The following TRMT9B variants were observed in gnomAD, a reference collection of about 807,000 sequenced individuals.
TRMT9B encodes the protein tRNA methyltransferase 9B (putative), also known as probable tRNA methyltransferase 9B.
TRMT9B carries 16 observed loss-of-function variants against 11.5 expected under a neutral mutation model. That is an observed-to-expected ratio of 1.39 (90% CI 0.94 to 2.11). The LOEUF (loss-of-function observed/expected upper bound fraction) is 2.11, where lower values mean the gene tolerates loss of function less well. Among genes scored for constraint, TRMT9B ranks in the 30% most tolerant of loss-of-function variants. TRMT9B has a pLI of 0.00. For synonymous variants in TRMT9B, 274 were observed against 192.4 expected, an observed-to-expected ratio of 1.42 and a Z score of -3.51; for missense variants, 941 against 553.8, an observed-to-expected ratio of 1.70 and a Z score of -7.02.
In TRMT9B at chr8:13,002,460, C is replaced by T. The variant is rs532932131; in HGVS notation, c.-1-3742C>T. Among the ~76,000 whole-genome samples the T allele has an allele frequency of 4.6e-5, 7 of 152,278 alleles. No individual in the cohort carries two copies. In the East Asian group the frequency reaches 7.7e-4, roughly 17 times the overall value. Reference sequence around the variant, plus strand: ...GTTATAGCCAGCCATATGTTTACTTCGTAAATTTCAGTTGAAGGTGCAACA... The same window carrying T: ...GTTATAGCCAGCCATATGTTTACTTTGTAAATTTCAGTTGAAGGTGCAACA... On this transcript the variant is annotated intron_variant, in intron 2 of 4. Transcript: ENST00000524591.
chr8:12,968,472 A>C (rs945513563), intron 1 of TRMT9B, among the ~76,000 whole-genome samples: 9 of 152,222 alleles, frequency 5.9e-5, no homozygotes, highest in African/African-American at 2.2e-4. Context: ...ATTTGTTGTG[A>C]AGAGCTACAT....
chr8:13,013,562 T>C (rs186761834), intron 4 of TRMT9B, among the ~76,000 whole-genome samples: 1 of 151,890 alleles, frequency 6.6e-6, no homozygotes, highest in Non-Finnish European at 1.5e-5. Context: ...AACTTGATAT[T>C]TAATGGAATC....
intron 1 of TRMT9B, among the ~76,000 whole-genome samples, chr8:12,947,523 A>G (rs150279164): frequency 2.0e-5 from 3 of 152,346 alleles, no homozygotes; most frequent in Non-Finnish European, 2.9e-5. Context: ...AATAAAATAG[A>G]TGGTCAAGGC....
intron 1 of TRMT9B, among the ~76,000 whole-genome samples, chr8:12,982,183 T>C (rs1350875022): frequency 6.6e-6 from 1 of 152,204 alleles, no homozygotes; most frequent in Admixed American, 6.5e-5. Flanking sequence ...TTTTCTGGAC[T>C]GTGCAATCTG....
chr8:13,023,678 T>G lies in TRMT9B; in HGVS notation c.*1634T>G, dbSNP rs1814295236. ...ATCTGACAAGAGTCTTTTTACTTTA[T>G]GCTGGATGAAAATCCAAATCTTGTT... is the stretch of plus-strand genomic sequence containing the variant. On this transcript the variant is annotated 3_prime_UTR_variant, in exon 5 of 5. Transcript: ENST00000524591. The G allele has an allele frequency of 6.0e-6, 1 of 167,120 alleles. No homozygotes were observed. Among genetic ancestry groups the G allele is most frequent in the Non-Finnish European group, 1.5e-5 (1 of 68,120 alleles). 10.4% of individuals were successfully genotyped at this position (167,120 alleles called of 1,614,324 possible). A position where few individuals can be genotyped will look rare whatever the true frequency, so the allele number is the denominator to read the frequency against.
chr8:12,963,309 T>C (rs1001001280), intron 1 of TRMT9B, among the ~76,000 whole-genome samples: 1 of 152,142 alleles, frequency 6.6e-6, no homozygotes, highest in African/African-American at 2.4e-5. Context: ...GGCATGCGTC[T>C]GTAATCCCCG....
At chr8:12,964,404 A>G (rs1240987801) in intron 1 of TRMT9B, among the ~76,000 whole-genome samples, 1 of 152,132 alleles carries the variant, frequency 6.6e-6, no homozygotes, top group Non-Finnish European at 1.5e-5. Context: ...CAGGAACTTC[A>G]TGTCGAATGC....
intron 2 of TRMT9B, among the ~76,000 whole-genome samples, chr8:12,996,471 T>TGTATATACTATGA (rs1269243260): frequency 6.6e-6 from 1 of 152,232 alleles, no homozygotes; most frequent in African/African-American, 2.4e-5. Context: ...CAGCACTTTC[T>TGTATATACTATGA]GTATATACTA....
In TRMT9B at chr8:13,026,187, G is replaced by A. The variant is rs1814664560; in HGVS notation, c.*4143G>A. The A allele has an allele frequency of 6.0e-6, 1 of 167,010 alleles. No individual in the cohort carries two copies. The highest frequency in any genetic ancestry group is 1.5e-5 in the Non-Finnish European group (1 of 68,112). 10.3% of individuals were successfully genotyped at this position (167,010 alleles called of 1,614,324 possible). ...GTCTAAGAAAAACAAATTAGGGCAG[G>A]CCTCAGCATCTCTTTCCTATTACAT... On this transcript the variant is annotated 3_prime_UTR_variant, in exon 5 of 5. Coordinates refer to ENST00000524591, the MANE Select transcript of TRMT9B (RefSeq NM_020844.3).
chr8:13,002,480 G>A (rs908639772), intron 2 of TRMT9B, among the ~76,000 whole-genome samples: 3 of 152,172 alleles, frequency 2.0e-5, no homozygotes, highest in Non-Finnish European at 2.9e-5. Flanking sequence ...AGTTGAAGGT[G>A]CAACATAAGC....
chr8:12,964,781 G>A (rs1322862507), intron 1 of TRMT9B, among the ~76,000 whole-genome samples: 2 of 151,974 alleles, frequency 1.3e-5, no homozygotes, highest in Admixed American at 6.6e-5. Context: ...TTGTAAAGAT[G>A]GGGTGTCACT....
At chr8:13,008,590 A>G (rs1563416496) in intron 3 of TRMT9B, among the ~76,000 whole-genome samples, 2 of 152,260 alleles carry the variant, frequency 1.3e-5, no homozygotes, top group Non-Finnish European at 2.9e-5. Flanking sequence ...AGGATTAACT[A>G]TATTGACAGA....
intron 1 of TRMT9B, among the ~76,000 whole-genome samples, chr8:12,958,030 C>T (rs551805572): frequency 3.9e-5 from 6 of 152,114 alleles, no homozygotes; most frequent in Non-Finnish European, 8.8e-5. Flanking sequence ...AGTCCGTTTT[C>T]ACCCGGCTGA....
At chr8:12,965,765 C>G (rs1242254527) in intron 1 of TRMT9B, among the ~76,000 whole-genome samples, 1 of 152,058 alleles carries the variant, frequency 6.6e-6, no homozygotes. Context: ...GTAATCCCAG[C>G]ATGTGGGGAG....
intron 4 of TRMT9B, among the ~76,000 whole-genome samples, chr8:13,013,228 T>C (rs1225607654): frequency 6.6e-6 from 1 of 152,234 alleles, no homozygotes; most frequent in Non-Finnish European, 1.5e-5. Flanking sequence ...TTACCATTTT[T>C]TAGGCCAAAA....
At chr8:13,015,042 G>C (rs577230551) in intron 4 of TRMT9B, among the ~76,000 whole-genome samples, 8 of 151,484 alleles carry the variant, frequency 5.3e-5, no homozygotes, top group Admixed American at 4.0e-4. Flanking sequence ...CTAAGCAACA[G>C]AGTGAGACTC....
chr8:12,987,556 G>C (rs1293680476), intron 1 of TRMT9B, among the ~76,000 whole-genome samples: 1 of 151,990 alleles, frequency 6.6e-6, no homozygotes, highest in Admixed American at 6.6e-5. Context: ...AGGATATGGT[G>C]GTACACGCCT....
At chr8:13,015,154 A>G (rs1812397923) in intron 4 of TRMT9B, among the ~76,000 whole-genome samples, 1 of 151,890 alleles carries the variant, frequency 6.6e-6, no homozygotes, top group South Asian at 2.1e-4. Flanking sequence ...GTCTACACTC[A>G]TTTTATTTTT....
chr8:12,962,532 C>A (rs1453231810), intron 1 of TRMT9B, among the ~76,000 whole-genome samples: 1 of 151,994 alleles, frequency 6.6e-6, no homozygotes, highest in Non-Finnish European at 1.5e-5. Context: ...CCTCTATCAC[C>A]CAGGCTGGAG....
Sources: gnomAD v4.1 joint callset for allele counts (sites outside exome capture counted in the v4.1 genomes callset) on GRCh38, gnomAD v4.1.1 for gene constraint, MANE v1.5 for transcripts, NCBI Gene and HGNC (gene_info 2026-07-23, HGNC 2026-07-21) for gene names.